Variants in MYT1 observed in about 807,000 individuals in gnomAD.
MYT1 encodes myelin transcription factor I.
In MYT1, 23 loss-of-function variants were observed where a neutral mutation model predicts 123.0. The observed-to-expected ratio is 0.19, with a 90% confidence interval of 0.13 to 0.26. The LOEUF (loss-of-function observed/expected upper bound fraction) is 0.26. MYT1 is among the 10% of genes least tolerant of loss of function. The probability of loss-of-function intolerance (pLI) is 1.00; values close to 1 mark genes in which losing one functional copy is unlikely to be tolerated. For missense variants in MYT1, 1,125 were observed against 1,472.5 expected (o/e 0.76, Z 3.86); for synonymous variants, 518 against 575.3 (o/e 0.90, Z 1.43).
intron 1 of MYT1, among the ~76,000 whole-genome samples, chr20:64,187,979 TC>T (rs1325907331): frequency 2.0e-5 from 3 of 152,150 alleles, no homozygotes; most frequent in Non-Finnish European, 4.4e-5. Flanking sequence ...GAGCAGTTGA[TC>T]CCCGGGATGC....
At chr20:64,233,599 A>C (rs1320359801) in intron 19 of MYT1, among the ~76,000 whole-genome samples, 1 of 149,174 alleles carries the variant, frequency 6.7e-6, no homozygotes, top group Non-Finnish European at 1.5e-5. Context: ...GCAGAGAAAA[A>C]AAGGACAACT....
At chr20:64,200,310 G>T (rs919192908) in intron 4 of MYT1, among the ~76,000 whole-genome samples, 3 of 152,154 alleles carry the variant, frequency 2.0e-5, no homozygotes, top group Non-Finnish European at 2.9e-5. Flanking sequence ...TGAGAGAAGG[G>T]GTCTTCTACA....
At position 64,203,419 on chromosome 20, in the gene MYT1, G is replaced by A. The variant is rs1983382353; in HGVS notation, c.87-1616G>A. Among the ~76,000 whole-genome samples, 1 of 152,200 alleles carries A rather than the reference G, an allele frequency of 6.6e-6. No individual in the cohort carries two copies. On this transcript the variant is annotated intron_variant, in intron 4 of 22. Transcript: ENST00000328439. The surrounding 1 kb of genome is among the most constrained non-coding windows in gnomAD (Gnocchi z 5.1). ...GGATTTTAGAAGAGACTAGAGGCAG[G>A]GAGAGGTGGGTGGCAGCGGCGGCAA...
chr20:64,225,698 G>A (rs1031278767), intron 16 of MYT1, among the ~76,000 whole-genome samples: 3 of 152,146 alleles, frequency 2.0e-5, no homozygotes, highest in South Asian at 4.1e-4. Flanking sequence ...GGTGGATGTG[G>A]CTCCAGATTC....
chr20:64,202,114 C>T lies in MYT1; in HGVS notation c.86+2192C>T, dbSNP rs539435947. ...TGGATGACTTAACACTGCATTGGCT[C>T]AGAACTTCACAGCCTGCAGTGCCCC... On this transcript the variant is annotated intron_variant, in intron 4 of 22. Transcript: ENST00000328439. This position sits in a 1 kb window ranked among gnomAD's most constrained non-coding sequence, Gnocchi z 5.0. Among the ~76,000 whole-genome samples, 2 of 152,212 alleles carry T rather than the reference C, an allele frequency of 1.3e-5. No individual in the cohort carries two copies. Among genetic ancestry groups the T allele is most frequent in the Admixed American group, 6.5e-5 (1 of 15,292 alleles).
intron 11 of MYT1, 88 bp downstream of exon 11, chr20:64,217,369 C>A: frequency 2.2e-6 from 3 of 1,388,770 alleles, no homozygotes; most frequent in East Asian, 2.4e-5. Flanking sequence ...GGGACCCTCT[C>A]GAGGAGCTAC....
intron 19 of MYT1, among the ~76,000 whole-genome samples, chr20:64,235,857 C>T (rs147317307): frequency 1.2e-3 from 119 of 102,632 alleles, no homozygotes; most frequent in Middle Eastern, 7.4e-3. Context: ...CTGGGCTGGC[C>T]GTGGTGGGTG....
intron 5 of MYT1, 97 bp downstream of exon 5, chr20:64,205,194 C>A: frequency 2.1e-6 from 3 of 1,414,808 alleles, no homozygotes; most frequent in Non-Finnish European, 3.0e-6. Context: ...TTTTCCATGG[C>A]TCCCAAGGCC....
rs540591814 is a variant in MYT1 at position 64,191,877 on chromosome 20, T to G, written c.-1+1717T>G. 6.6e-6 allele frequency: 1 copy of G among 152,316 alleles called. No individual in the cohort carries two copies. Among genetic ancestry groups the G allele is most frequent in the African/African-American group, 2.4e-5 (1 of 41,570 alleles). The allele number at this position is 152,316 out of a possible 1,614,324, so 9.4% of individuals were successfully genotyped here. On this transcript the variant is annotated intron_variant, in intron 2 of 22. Coordinates refer to ENST00000328439, the MANE Select transcript of MYT1 (RefSeq NM_004535.3). The surrounding 1 kb of genome is among the most constrained non-coding windows in gnomAD (Gnocchi z 4.1). ...CTAAATATTGAATTAAAATATTATT[T>G]ATCTTGATCATTGAGTTTTTGGCCT...
rs1015306197 is a variant in MYT1, at chr20:64,213,224, G to C, written c.1518-310G>C. On this transcript the variant is annotated intron_variant, in intron 9 of 22. Coordinates refer to ENST00000328439, the MANE Select transcript of MYT1 (RefSeq NM_004535.3). This position sits in a 1 kb window ranked among gnomAD's most constrained non-coding sequence, Gnocchi z 5.6. ...AGCCTGTCTCCCAGACCCATGCAGA[G>C]GAGGCATCTTTGCCCAGAGCTTTCA... Among the ~76,000 whole-genome samples, 1 of 152,186 alleles carries C rather than the reference G, an allele frequency of 6.6e-6. No homozygotes were observed. The highest frequency in any genetic ancestry group is 1.5e-5 in the Non-Finnish European group (1 of 68,036).
rs918571888 is a variant in MYT1, at chr20:64,166,660, C to G, written c.-99+1921C>G. ...GCCTCAGTTGTTCAGAGCTAATGCT[C>G]TGGCCCCTCTTGGAAGATTCTGGCA... On this transcript the variant is annotated intron_variant, in intron 1 of 22. Coordinates refer to ENST00000328439, the MANE Select transcript of MYT1 (RefSeq NM_004535.3). This position sits in a 1 kb window ranked among gnomAD's most constrained non-coding sequence, Gnocchi z 4.9. 6.6e-6 allele frequency among the ~76,000 whole-genome samples: 1 copy of G among 152,218 alleles called. No individual in the cohort carries two copies. Among genetic ancestry groups the G allele is most frequent in the African/African-American group, 2.4e-5 (1 of 41,444 alleles).
At chr20:64,195,488 T>C (rs1226448803) in intron 2 of MYT1, among the ~76,000 whole-genome samples, 1 of 146,394 alleles carries the variant, frequency 6.8e-6, no homozygotes, top group East Asian at 2.1e-4. Context: ...CTCCACCTCC[T>C]GGGTTCAAGT....
chr20:64,232,413 C>T lies in MYT1; in HGVS notation c.2897+28C>T, dbSNP rs947172734. The T allele has an allele frequency of 1.9e-6, 3 of 1,607,298 alleles. No individual in the cohort carries two copies. The highest frequency in any genetic ancestry group is 3.3e-5 in the Admixed American group (2 of 59,994). On this transcript the variant is annotated intron_variant, in intron 19 of 22. Transcript: ENST00000328439. This position sits in a 1 kb window ranked among gnomAD's most constrained non-coding sequence, Gnocchi z 6.9. The stretch of plus-strand genomic sequence containing the variant: ...AACTGTGCCTGCAGGTCCTGCCCCT[C>T]TGTGCAGTCAGTAGGGACCCTCGCC...
intron 22 of MYT1, among the ~76,000 whole-genome samples, 184 bp downstream of exon 22, chr20:64,240,087 T>C (rs113091028): frequency 1.3e-5 from 2 of 152,164 alleles, no homozygotes. Flanking sequence ...TTAGCCACCA[T>C]AATGAGTAGC....
At chr20:64,238,268 T>C (rs1028826565) in intron 21 of MYT1, among the ~76,000 whole-genome samples, 1 of 152,176 alleles carries the variant, frequency 6.6e-6, no homozygotes. Context: ...CCACAGAGAA[T>C]TTGGGCAGAG....
intron 2 of MYT1, among the ~76,000 whole-genome samples, chr20:64,198,211 C>T (rs898701038): frequency 1.2e-4 from 16 of 135,980 alleles, no homozygotes; most frequent in South Asian, 2.4e-4. Context: ...GGCGTGAACC[C>T]GGGAGGCGGA....
At chr20:64,222,107 AGGC>A in intron 14 of MYT1, 60 bp downstream of exon 14, 1 of 1,592,426 alleles carries the variant, frequency 6.3e-7, no homozygotes, top group Non-Finnish European at 8.6e-7. Flanking sequence ...GGGGAGGAAC[AGGC>A]CCTGGTCCCA....
rs1984341492 is a variant in MYT1, at chr20:64,232,230, A to C, written c.2742A>C (p.Ala914=). The C allele has an allele frequency of 2.5e-6, 4 of 1,613,018 alleles. No individual in the cohort carries two copies. In the South Asian group the frequency reaches 4.4e-5, roughly 18 times the overall value. ...ISGKYASHRS[A]SGCPLAARRQ... is the part of the protein sequence containing the mutation. ...GGAAATACGCCTCTCACAGGAGCGCATCCGGCTGCCCACTGGCCGCCCGCA... is the reference window on the plus strand; with the variant it reads ...GGAAATACGCCTCTCACAGGAGCGCCTCCGGCTGCCCACTGGCCGCCCGCA... Residue 914 remains alanine (A), a synonymous_variant, in exon 19 of 23, where the codon GCA becomes GCC. Coordinates refer to ENST00000328439, the MANE Select transcript of MYT1 (RefSeq NM_004535.3). The surrounding 1 kb of genome is among the most constrained non-coding windows in gnomAD (Gnocchi z 6.9).
intron 21 of MYT1, among the ~76,000 whole-genome samples, chr20:64,238,582 C>T (rs541383819): frequency 7.3e-4 from 103 of 141,466 alleles, no homozygotes; most frequent in African/African-American, 2.7e-3. Context: ...TGCATCCCCC[C>T]AGGTTCATAG....
Sources: allele counts gnomAD v4.1 joint callset (sites outside exome capture counted in the v4.1 genomes callset), GRCh38; gene constraint gnomAD v4.1.1; non-coding constraint Gnocchi (gnomAD v3.1); transcripts MANE v1.5; gene names NCBI Gene and HGNC (gene_info 2026-07-23, HGNC 2026-07-21).